The following KIZ variants were observed in gnomAD, a reference collection of about 807,000 sequenced individuals.
KIZ encodes centrosomal protein kizuna.
Under a neutral mutation model 79.6 loss-of-function variants are expected in KIZ, and 68 were observed. The ratio of observed to expected loss-of-function variants is 0.85; its 90% CI spans 0.70 to 1.05. The LOEUF (loss-of-function observed/expected upper bound fraction) is 1.05. Ranked by LOEUF, KIZ falls within the 50% of genes least tolerant of loss-of-function variation. The probability of loss-of-function intolerance (pLI) is 0.00; values close to 1 mark genes in which losing one functional copy is unlikely to be tolerated. For missense variants in KIZ, 797 were observed against 800.4 expected, an observed-to-expected ratio of 1.00 and a Z score of 0.05; for synonymous variants, 280 against 281.8, an observed-to-expected ratio of 0.99 and a Z score of 0.06.
chr20:21,172,860 G>A (rs962733714), intron 6 of KIZ, among the ~76,000 whole-genome samples: 8 of 152,110 alleles, frequency 5.3e-5, no homozygotes, highest in Non-Finnish European at 2.9e-5. Flanking sequence ...TCTCTCCTCT[G>A]GGAGAGAGAT....
intron 2 of KIZ, among the ~76,000 whole-genome samples, chr20:21,134,592 G>A (rs966296744): frequency 3.3e-5 from 5 of 151,142 alleles, no homozygotes; most frequent in Non-Finnish European, 7.4e-5. Flanking sequence ...CCCCCACCTG[G>A]AATGTTTTCC....
chr20:21,240,239 C>T (rs538982372), intron 11 of KIZ, among the ~76,000 whole-genome samples: 4 of 152,300 alleles, frequency 2.6e-5, no homozygotes, highest in South Asian at 2.1e-4. Flanking sequence ...ATTCTTCTGC[C>T]TCAGCCTCCC....
At chr20:21,226,765 T>TCAGGCTGATCTCGC (rs1167512416) in intron 9 of KIZ, among the ~76,000 whole-genome samples, 1 of 152,206 alleles carries the variant, frequency 6.6e-6, no homozygotes, top group African/African-American at 2.4e-5. Flanking sequence ...CCAGCAGTCC[T>TCAGGCTGATCTCGC]CAGCCTGATC....
chr20:21,137,550 A>G (rs2032268030), intron 3 of KIZ, among the ~76,000 whole-genome samples: 1 of 151,106 alleles, frequency 6.6e-6, no homozygotes, highest in African/African-American at 2.4e-5. Context: ...AAGAGTTAGC[A>G]TAATTATTAT....
At chr20:21,162,631 A>T in intron 5 of KIZ, 124 bp downstream of exon 5, 2 of 838,010 alleles carry the variant, frequency 2.4e-6, no homozygotes, top group South Asian at 3.7e-5. Flanking sequence ...TTCCATTCTA[A>T]TGAACTCTTA....
At chr20:21,180,539 C>T (rs1265592269) in intron 6 of KIZ, among the ~76,000 whole-genome samples, 2 of 152,040 alleles carry the variant, frequency 1.3e-5, no homozygotes, top group South Asian at 2.1e-4. Context: ...AATCCTACTA[C>T]GGGTGTAGCA....
rs111404197 is a variant in KIZ at position 21,186,543 on chromosome 20, C to T, written c.1353-18948C>T. 1.3e-3 allele frequency among the ~76,000 whole-genome samples: 190 copies of T among 149,872 alleles called. 1 individual carries two copies. The highest frequency in any genetic ancestry group is 4.2e-3 in the African/African-American group (168 of 40,446). On this transcript the variant is annotated intron_variant, in intron 6 of 12. Transcript: ENST00000619189. ...TCCATACTTTCCATTATTTTTCATT[C>T]GGTACTCTCATTCATTTTATTATCT... is the stretch of plus-strand genomic sequence containing the variant.
At chr20:21,200,778 G>C (rs577560589) in intron 6 of KIZ, among the ~76,000 whole-genome samples, 11 of 152,248 alleles carry the variant, frequency 7.2e-5, no homozygotes, top group Middle Eastern at 3.4e-3. Context: ...CCCTGCTCTA[G>C]AAGATAATGT....
At chr20:21,193,258 G>A (rs371780455) in intron 6 of KIZ, among the ~76,000 whole-genome samples, 7 of 152,234 alleles carry the variant, frequency 4.6e-5, no homozygotes, top group South Asian at 2.1e-4. Context: ...CTATTGTGCC[G>A]CAACTGAAAC....
rs1463391291 is a variant in KIZ at position 21,228,991 on chromosome 20, T to G, written c.1679-20T>G. On this transcript the variant is annotated intron_variant, in intron 9 of 12. Transcript: ENST00000619189. ...GCCAGTAAAAAATGTAATATTTCTG[T>G]GTTTTTCTTTAATCAACAGAAACAG... 1.1e-5 allele frequency: 15 copies of G among 1,384,046 alleles called. No individual in the cohort carries two copies. The highest frequency in any genetic ancestry group is 1.4e-5 in the Non-Finnish European group (14 of 981,730). 85.7% of individuals were successfully genotyped at this position (1,384,046 alleles called of 1,614,324 possible).
chr20:21,245,572 T>C (rs2037361095), intron 12 of KIZ: 1 of 151,884 alleles, frequency 6.6e-6, no homozygotes, highest in South Asian at 2.1e-4. Flanking sequence ...GTCAGCAGAG[T>C]TAAGGGATTG....
At position 21,162,324 on chromosome 20, in the gene KIZ, A is replaced by G. The variant is rs781651685; in HGVS notation, c.859A>G (p.Arg287Gly). 2.5e-6 allele frequency: 4 copies of G among 1,613,980 alleles called. No individual in the cohort carries two copies. The highest frequency in any genetic ancestry group is 3.4e-6 in the Non-Finnish European group (4 of 1,179,852). ...PLRERLSPEN[R>G]TTDLKCDSSS... ...ACGGGAAAGATTAAGTCCAGAGAAC[A>G]GAACCACTGATTTAAAGTGTGACAG... The change falls in exon 5 of 13, where the codon AGA becomes GGA. Residue 287 changes from arginine (R) to glycine (G), a missense_variant. By Grantham distance (125) the Arg-to-Gly change is moderately radical (BLOSUM62 -2). Coordinates refer to ENST00000619189, the MANE Select transcript of KIZ (RefSeq NM_018474.6).
In KIZ at chr20:21,182,430, C is replaced by T. The variant is rs558025677; in HGVS notation, c.1352+19271C>T. Reference sequence around the variant, plus strand: ...TTGTTGACTAAAATTTGTTCACAGACCCATTCCTAAGCTAATTACTGGCAA... The same window carrying T: ...TTGTTGACTAAAATTTGTTCACAGATCCATTCCTAAGCTAATTACTGGCAA... On this transcript the variant is annotated intron_variant, in intron 6 of 12. Transcript: ENST00000619189. 2.0e-5 allele frequency among the ~76,000 whole-genome samples: 3 copies of T among 152,236 alleles called. No individual in the cohort carries two copies. In the South Asian group the frequency reaches 6.2e-4, roughly 32 times the overall value.
chr20:21,164,016 C>T (rs1033290559), intron 6 of KIZ, among the ~76,000 whole-genome samples: 2 of 152,166 alleles, frequency 1.3e-5, no homozygotes, highest in African/African-American at 4.8e-5. Context: ...AGTGGTGTCA[C>T]GTAGGTCTAC....
intron 11 of KIZ, among the ~76,000 whole-genome samples, chr20:21,235,785 A>T (rs1045354626): frequency 2.0e-5 from 3 of 152,250 alleles, no homozygotes; most frequent in African/African-American, 7.2e-5. Context: ...GTACCCTGGC[A>T]GGGCCACCGT....
chr20:21,145,462 C>CT (rs1212698389), intron 3 of KIZ, 103 bp from the exon 4 acceptor site: 1 of 425,566 alleles, frequency 2.3e-6, no homozygotes, highest in Non-Finnish European at 4.2e-6. Context: ...TCAGCTTTTA[C>CT]TTTCTACTTC....
intron 7 of KIZ, among the ~76,000 whole-genome samples, chr20:21,212,468 A>G (rs1287083007): frequency 6.6e-6 from 1 of 152,234 alleles, no homozygotes; most frequent in East Asian, 1.9e-4. Flanking sequence ...CTTAGTGTTA[A>G]ATGATTTTAC....
intron 1 of KIZ, chr20:21,131,843 G>T: frequency 6.2e-6 from 2 of 323,956 alleles, no homozygotes; most frequent in Non-Finnish European, 1.1e-5. Flanking sequence ...GTCTCCTATT[G>T]GTGTTCGTTT....
intron 11 of KIZ, among the ~76,000 whole-genome samples, chr20:21,238,352 A>AGTGTGTGT (rs1555889304): frequency 0.015 from 2,242 of 149,226 alleles, 20 homozygotes; most frequent in Non-Finnish European, 0.022. Context: ...AGAGAGAGAG[A>AGTGTGTGT]GTGTGTGTGT....
Sources: allele counts gnomAD v4.1 joint callset (sites outside exome capture counted in the v4.1 genomes callset), GRCh38; gene constraint gnomAD v4.1.1; transcripts MANE v1.5; gene names NCBI Gene and HGNC (gene_info 2026-07-23, HGNC 2026-07-21).